Variants in RIN3 observed in about 807,000 individuals in gnomAD.
RIN3 encodes Ras and Rab interactor 3.
RIN3 carries 54 observed loss-of-function variants against 76.3 expected under a neutral mutation model. The ratio of observed to expected loss-of-function variants is 0.71; its 90% confidence interval spans 0.57 to 0.89. RIN3 has a LOEUF of 0.89. Ranked by LOEUF, RIN3 falls within the 40% of genes least tolerant of loss-of-function variation. The pLI, the probability that RIN3 is intolerant of heterozygous loss-of-function variation, is 0.00. For synonymous variants in RIN3, 576 were observed against 564.0 expected (o/e 1.02, Z -0.30); for missense variants, 1,256 against 1,322.1 (o/e 0.95, Z 0.78).
At chr14:92,559,565 T>A (rs1238437477) in intron 2 of RIN3, among the ~76,000 whole-genome samples, 1 of 152,208 alleles carries the variant, frequency 6.6e-6, no homozygotes, top group African/African-American at 2.4e-5. Flanking sequence ...TGCACCAATA[T>A]GAACCGTAAA....
At chr14:92,636,738 G>A (rs1886790864) in intron 4 of RIN3, among the ~76,000 whole-genome samples, 1 of 151,818 alleles carries the variant, frequency 6.6e-6, no homozygotes, top group African/African-American at 2.4e-5. Flanking sequence ...GGAACATAAT[G>A]CCATTTTCAC....
chr14:92,687,811 GCAGA>G (rs1888921157), intron 9 of RIN3, 111 bp from the exon 10 acceptor site: 1 of 946,776 alleles, frequency 1.1e-6, no homozygotes, highest in Non-Finnish European at 1.5e-6. Context: ...TGCCGGACTC[GCAGA>G]CAGCTTGGCG....
intron 1 of RIN3, among the ~76,000 whole-genome samples, chr14:92,552,774 G>T (rs1437552124): frequency 6.6e-6 from 1 of 151,902 alleles, no homozygotes. Context: ...TTCCTCTTTG[G>T]CAGTATTACC....
chr14:92,684,385 C>CA (rs35113092), intron 8 of RIN3, among the ~76,000 whole-genome samples: 6,539 of 115,814 alleles, frequency 0.056, 676 homozygotes, highest in African/African-American at 0.19. Context: ...CAGACTTAGA[C>CA]AAAAAAAAAA....
At chr14:92,668,115 TG>T (rs1595499235) in intron 7 of RIN3, among the ~76,000 whole-genome samples, 1 of 152,170 alleles carries the variant, frequency 6.6e-6, no homozygotes, top group Non-Finnish European at 1.5e-5. Flanking sequence ...CCAGGGGATG[TG>T]GACACTGTGA....
chr14:92,641,152 A>C, intron 4 of RIN3, 86 bp from the exon 5 acceptor site: 4 of 1,022,052 alleles, frequency 3.9e-6, no homozygotes, highest in Admixed American at 1.7e-5. Context: ...GGCAGCCAGC[A>C]GAGATTGCCA....
intron 1 of RIN3, among the ~76,000 whole-genome samples, chr14:92,516,318 C>A (rs1896440978): frequency 6.6e-6 from 1 of 152,162 alleles, no homozygotes; most frequent in Admixed American, 6.5e-5. Flanking sequence ...GAGCCTTGGC[C>A]TGATCTAATA....
intron 3 of RIN3, among the ~76,000 whole-genome samples, chr14:92,586,235 G>A (rs1458987394): frequency 1.3e-5 from 2 of 152,206 alleles, no homozygotes; most frequent in Non-Finnish European, 2.9e-5. Flanking sequence ...AAAAGCCTGT[G>A]TGTAGTAAGC....
chr14:92,666,304 G>A (rs568780881), intron 7 of RIN3, among the ~76,000 whole-genome samples: 19 of 152,352 alleles, frequency 1.2e-4, no homozygotes, highest in Non-Finnish European at 1.3e-4. Flanking sequence ...CGAGGAAAGG[G>A]GTAAACATGG....
At chr14:92,619,402 A>G (rs1243372252) in intron 4 of RIN3, among the ~76,000 whole-genome samples, 1 of 148,360 alleles carries the variant, frequency 6.7e-6, no homozygotes, top group East Asian at 2.0e-4. Flanking sequence ...TACTGTTCTT[A>G]TATACCTTGC....
chr14:92,670,062 A>AT (rs11375700), intron 7 of RIN3, among the ~76,000 whole-genome samples: 45,013 of 144,124 alleles, frequency 0.31, 7,309 homozygotes, highest in East Asian at 0.56. Flanking sequence ...GACCCAGCTG[A>AT]TTTTTTTTTT....
At chr14:92,524,990 A>G (rs1896691327) in intron 1 of RIN3, among the ~76,000 whole-genome samples, 1 of 152,196 alleles carries the variant, frequency 6.6e-6, no homozygotes, top group South Asian at 2.1e-4. Flanking sequence ...TCTTGCAAGA[A>G]GCCTCCCAGG....
chr14:92,583,869 A>G lies in RIN3; in HGVS notation c.367+6392A>G, dbSNP rs575068355. Reference sequence around the variant, plus strand: ...AGATCATCAGGCATTAGATTCTCATAAGGAGCCTGCAACCGGGATCCCTTC... The same window carrying G: ...AGATCATCAGGCATTAGATTCTCATGAGGAGCCTGCAACCGGGATCCCTTC... On this transcript the variant is annotated intron_variant, in intron 3 of 9. Transcript: ENST00000216487. Among the ~76,000 whole-genome samples the G allele has an allele frequency of 2.4e-4, 37 of 152,278 alleles. No homozygotes were observed. In the South Asian group the frequency reaches 7.5e-3, roughly 31 times the overall value.
chr14:92,638,789 T>C (rs1886869917), intron 4 of RIN3, among the ~76,000 whole-genome samples: 1 of 152,018 alleles, frequency 6.6e-6, no homozygotes, highest in Admixed American at 6.5e-5. Context: ...TGACAGAAGA[T>C]GCCAACGTCA....
At chr14:92,638,603 C>T (rs4904970) in intron 4 of RIN3, among the ~76,000 whole-genome samples, 20,197 of 152,212 alleles carry the variant, frequency 0.13, 1,725 homozygotes, top group Middle Eastern at 0.23. Flanking sequence ...ACCCCACTGA[C>T]AGGCCACCAC....
At chr14:92,566,829 C>A (rs533537469) in intron 2 of RIN3, among the ~76,000 whole-genome samples, 128 of 152,306 alleles carry the variant, frequency 8.4e-4, no homozygotes, top group Non-Finnish European at 1.6e-3. Flanking sequence ...TGCCCATCCC[C>A]TTTCCCGTCT....
intron 4 of RIN3, among the ~76,000 whole-genome samples, chr14:92,635,442 G>T (rs1873037616): frequency 6.6e-6 from 1 of 152,220 alleles, no homozygotes; most frequent in Non-Finnish European, 1.5e-5. Flanking sequence ...CATTGATGGA[G>T]TGTAAATAGG....
intron 4 of RIN3, among the ~76,000 whole-genome samples, chr14:92,625,379 C>G (rs184280886): frequency 6.6e-6 from 1 of 152,094 alleles, no homozygotes. Context: ...TTTGAGTAAG[C>G]CCTTTAATGA....
intron 3 of RIN3, among the ~76,000 whole-genome samples, chr14:92,589,242 C>T (rs1399886766): frequency 6.6e-6 from 1 of 152,054 alleles, no homozygotes; most frequent in Non-Finnish European, 1.5e-5. Context: ...GTATTGTGTT[C>T]ACTCCCACCT....
Sources: gnomAD v4.1 joint callset for allele counts (sites outside exome capture counted in the v4.1 genomes callset) on GRCh38, gnomAD v4.1.1 for gene constraint, MANE v1.5 for transcripts, NCBI Gene and HGNC (gene_info 2026-07-23, HGNC 2026-07-21) for gene names.